Variants in HS6ST3 observed in about 807,000 individuals in gnomAD.
HS6ST3 encodes the protein heparan sulfate 6-O-sulfotransferase 3.
In HS6ST3, 12 loss-of-function variants were observed where a neutral mutation model predicts 36.7. The observed-to-expected ratio is 0.33, with a 90% CI of 0.21 to 0.53. HS6ST3 has a LOEUF of 0.53. HS6ST3 is among the 20% of genes least tolerant of loss of function. The pLI is 0.95. For synonymous variants in HS6ST3, 240 were observed against 257.5 expected (o/e 0.93, Z 0.65); for missense variants, 584 against 640.9 (o/e 0.91, Z 0.96).
rs561866424 is a variant in HS6ST3 at position 96,725,175 on chromosome 13, T to C, written c.708-107315T>C. On this transcript the variant is annotated intron_variant, in intron 1 of 1. Transcript: ENST00000376705. ...AACTTATTTGCTCTTCACATCTCTT[T>C]AGTAGTGTATCTCTTCAAATGTTTT... is the stretch of plus-strand genomic sequence containing the variant. Among the ~76,000 whole-genome samples, 8 of 152,362 alleles carry C rather than the reference T, an allele frequency of 5.3e-5. No homozygotes were observed. In the South Asian group the frequency reaches 1.7e-3, roughly 32 times the overall value.
chr13:96,667,181 G>A (rs2138428520), intron 1 of HS6ST3, among the ~76,000 whole-genome samples: 1 of 152,212 alleles, frequency 6.6e-6, no homozygotes, highest in Non-Finnish European at 1.5e-5. Flanking sequence ...AACTACATTT[G>A]TAAGGCAATA....
intron 1 of HS6ST3, among the ~76,000 whole-genome samples, chr13:96,571,141 A>G (rs2056299588): frequency 6.6e-6 from 1 of 152,186 alleles, no homozygotes; most frequent in South Asian, 2.1e-4. Flanking sequence ...AATTCAATGA[A>G]TGTTCACTTA....
chr13:96,457,446 A>T (rs530781951), intron 1 of HS6ST3, among the ~76,000 whole-genome samples: 2 of 152,292 alleles, frequency 1.3e-5, no homozygotes, highest in East Asian at 1.9e-4. Flanking sequence ...CATAAATGTG[A>T]TGCACAAAGT....
intron 1 of HS6ST3, among the ~76,000 whole-genome samples, chr13:96,674,578 C>T (rs2056692923): frequency 6.6e-6 from 1 of 152,142 alleles, no homozygotes; most frequent in Non-Finnish European, 1.5e-5. Context: ...CCGACTCTCA[C>T]ATCGTCCCTC....
chr13:96,766,303 A>G (rs1262318868), intron 1 of HS6ST3, among the ~76,000 whole-genome samples: 1 of 152,194 alleles, frequency 6.6e-6, no homozygotes, highest in Non-Finnish European at 1.5e-5. Context: ...AATCATCTTA[A>G]AAAGGGAAAT....
At chr13:96,585,081 C>G (rs2056355626) in intron 1 of HS6ST3, among the ~76,000 whole-genome samples, 1 of 152,166 alleles carries the variant, frequency 6.6e-6, no homozygotes, top group African/African-American at 2.4e-5. Flanking sequence ...GAATATGGAG[C>G]TTAAATGGTT....
At chr13:96,377,682 ACATCTC>A (rs2055321570) in intron 1 of HS6ST3, among the ~76,000 whole-genome samples, 1 of 152,192 alleles carries the variant, frequency 6.6e-6, no homozygotes, top group Non-Finnish European at 1.5e-5. Flanking sequence ...ACAGGTGCTG[ACATCTC>A]TGTTGTTTCC....
At position 96,832,624 on chromosome 13, in the gene HS6ST3, T is replaced by A; in HGVS notation, c.842T>A (p.Leu281Gln). The change falls in exon 2 of 2, where the codon CTG becomes CAG. Residue 281 changes from leucine to glutamine, a missense_variant. By Grantham distance (113) the Leu-to-Gln change is moderately radical. Around this residue, in one of 3 missense-constraint regions of HS6ST3, gnomAD observed 360 missense variants for 411.3 expected, o/e 0.88. Transcript: ENST00000376705. ...GGAAGAAGCCCCACCCCAGATGAGC[T>A]GCCTACCTGCTACCCTGGGGATGAC... ...CDGRSPTPDE[L>Q]PTCYPGDDWS... The A allele has an allele frequency of 6.2e-7, 1 of 1,614,162 alleles. No homozygotes were observed. Among genetic ancestry groups the A allele is most frequent in the East Asian group, 2.2e-5 (1 of 44,868 alleles).
intron 1 of HS6ST3, among the ~76,000 whole-genome samples, chr13:96,353,962 A>G (rs958106349): frequency 2.6e-5 from 4 of 152,186 alleles, no homozygotes; most frequent in Admixed American, 6.5e-5. Flanking sequence ...ACTGTCACAT[A>G]CTACTGGCAT....
At chr13:96,118,366 A>G (rs1462625104) in intron 1 of HS6ST3, among the ~76,000 whole-genome samples, 1 of 152,148 alleles carries the variant, frequency 6.6e-6, no homozygotes, top group Non-Finnish European at 1.5e-5. Context: ...GGAAGGCTAC[A>G]GCATGAAACC....
intron 1 of HS6ST3, among the ~76,000 whole-genome samples, chr13:96,643,660 C>A (rs377057559): frequency 8.6e-5 from 13 of 151,786 alleles, no homozygotes; most frequent in African/African-American, 3.1e-4. Flanking sequence ...CATGTCACTT[C>A]AAGTACCAAC....
intron 1 of HS6ST3, among the ~76,000 whole-genome samples, chr13:96,179,772 A>AT (rs1465434405): frequency 1.3e-5 from 2 of 148,534 alleles, no homozygotes; most frequent in East Asian, 2.0e-4. Context: ...TTATTATGTA[A>AT]TTTTTTCCCA....
At chr13:96,580,161 A>C (rs2056336462) in intron 1 of HS6ST3, among the ~76,000 whole-genome samples, 1 of 148,384 alleles carries the variant, frequency 6.7e-6, no homozygotes, top group Non-Finnish European at 1.5e-5. Flanking sequence ...TTATTCATTA[A>C]TGAATAAGCA....
chr13:96,628,177 T>C lies in HS6ST3; in HGVS notation c.708-204313T>C, dbSNP rs570300534. Among the ~76,000 whole-genome samples, 4 of 152,122 alleles carry C rather than the reference T, an allele frequency of 2.6e-5. No individual in the cohort carries two copies. In the South Asian group the frequency reaches 8.3e-4, roughly 31 times the overall value. Reference sequence around the variant, plus strand: ...CTTATTAATTTCTCTCAGTATTCACTAACTTAATCCCACAAGTTTTAATAT... The same window carrying C: ...CTTATTAATTTCTCTCAGTATTCACCAACTTAATCCCACAAGTTTTAATAT... On this transcript the variant is annotated intron_variant, in intron 1 of 1. Coordinates refer to ENST00000376705, the MANE Select transcript of HS6ST3 (RefSeq NM_153456.4).
chr13:96,288,610 G>C (rs1312684698), intron 1 of HS6ST3, among the ~76,000 whole-genome samples: 2 of 151,954 alleles, frequency 1.3e-5, no homozygotes, highest in African/African-American at 4.8e-5. Context: ...AAAATTCTAA[G>C]CAAAATGGAA....
In HS6ST3 at chr13:96,493,130, G is replaced by C. The variant is rs78753831; in HGVS notation, c.708-339360G>C. 1.6e-3 allele frequency among the ~76,000 whole-genome samples: 250 copies of C among 152,224 alleles called. 1 individual carries two copies. The highest frequency in any genetic ancestry group is 3.1e-3 in the Non-Finnish European group (213 of 68,006). ...GTCCTTTTTCAGAACCAGATCCACT[G>C]TTCCCTGTCTGTTCCTGAAGACATA... On this transcript the variant is annotated intron_variant, in intron 1 of 1. Coordinates refer to ENST00000376705, the MANE Select transcript of HS6ST3 (RefSeq NM_153456.4).
At chr13:96,601,579 T>A (rs574880126) in intron 1 of HS6ST3, among the ~76,000 whole-genome samples, 60 of 152,174 alleles carry the variant, frequency 3.9e-4, no homozygotes, top group Non-Finnish European at 7.8e-4. Flanking sequence ...AGCAAATTAA[T>A]AATATGCATT....
intron 1 of HS6ST3, among the ~76,000 whole-genome samples, chr13:96,690,393 T>A (rs541711848): frequency 4.3e-4 from 66 of 152,264 alleles, no homozygotes; most frequent in African/African-American, 1.5e-3. Flanking sequence ...TGAGTTTTCA[T>A]AACAAAAGCT....
chr13:96,517,249 C>T (rs1028822791), intron 1 of HS6ST3, among the ~76,000 whole-genome samples: 2 of 149,978 alleles, frequency 1.3e-5, no homozygotes, highest in African/African-American at 2.4e-5. Context: ...TGGTGGCATG[C>T]ACTTGTGGTC....
Sources: gnomAD v4.1 joint callset for allele counts (sites outside exome capture counted in the v4.1 genomes callset) on GRCh38, gnomAD v4.1.1 for gene constraint, gnomAD v4.1.1 regional missense constraint, MANE v1.5 for transcripts, NCBI Gene and HGNC (gene_info 2026-07-23, HGNC 2026-07-21) for gene names.